Variants in RIF1 observed in about 807,000 individuals in gnomAD.
The protein encoded by RIF1 is replication timing regulatory factor 1, also known as telomere-associated protein RIF1.
In RIF1, 45 loss-of-function variants were observed where a neutral mutation model predicts 247.1. That is an observed-to-expected ratio of 0.18 (90% CI 0.14 to 0.23). The LOEUF is 0.23. Among genes scored for constraint, RIF1 ranks in the 10% least tolerant of loss-of-function variants. RIF1 has a pLI of 1.00. For synonymous variants in RIF1, 1,087 were observed against 978.8 expected, an observed-to-expected ratio of 1.11 and a Z score of -2.06; for missense variants, 2,967 against 2,862.5, an observed-to-expected ratio of 1.04 and a Z score of -0.83.
chr2:151,467,943 G>A, intron 30 of RIF1, 57 bp from the exon 31 acceptor site: 1 of 1,508,150 alleles, frequency 6.6e-7, no homozygotes, highest in Non-Finnish European at 9.0e-7. Context: ...AAAATTTATG[G>A]TGTAATTTTT....
chr2:151,463,786 A>T lies in RIF1; in HGVS notation c.4266A>T (p.Ser1422=). 2.5e-6 allele frequency: 4 copies of T among 1,613,872 alleles called. No individual in the cohort carries two copies. The highest frequency in any genetic ancestry group is 2.5e-6 in the Non-Finnish European group (3 of 1,179,956). Reference sequence around the variant, plus strand: ...TTAGACGGTCTTCAAGGCGACGTTCAGAAGTAGTAGAGTCTACCACTGAAA... The same window carrying T: ...TTAGACGGTCTTCAAGGCGACGTTCTGAAGTAGTAGAGTCTACCACTGAAA... The part of the protein sequence containing the change: ...KTLRRSSRRR[S]EVVESTTESQ... The change falls in exon 30 of 36, where the codon TCA becomes TCT. Residue 1422 remains serine (S), a synonymous_variant. Coordinates refer to ENST00000444746, the MANE Select transcript of RIF1 (RefSeq NM_018151.5).
At chr2:151,471,854 C>T (rs549020081) in intron 34 of RIF1, among the ~76,000 whole-genome samples, 1 of 152,232 alleles carries the variant, frequency 6.6e-6, no homozygotes, top group Admixed American at 6.5e-5. Context: ...GCAATGCGGG[C>T]TCTTTTTTCG....
chr2:151,436,720 AT>A, intron 11 of RIF1, 106 bp from the exon 12 acceptor site: 1 of 840,002 alleles, frequency 1.2e-6, no homozygotes, highest in Non-Finnish European at 1.8e-6. Context: ...TGCCTGAGAC[AT>A]TTAAACTCTG....
At chr2:151,435,694 C>T (rs1468496962) in intron 11 of RIF1, 114 bp downstream of exon 11, 5 of 561,178 alleles carry the variant, frequency 8.9e-6, no homozygotes, top group African/African-American at 1.9e-5. Context: ...CAGTGTTTTT[C>T]GTTTGAAATG....
chr2:151,443,435 T>G (rs1239830374), intron 17 of RIF1, 94 bp from the exon 18 acceptor site: 5 of 1,377,796 alleles, frequency 3.6e-6, no homozygotes, highest in Non-Finnish European at 4.9e-6. Flanking sequence ...AAAAAATTCG[T>G]TAACTTTTTG....
At chr2:151,525,032 A>G in the RIF1 span, 1 of 740,664 alleles carries the variant, frequency 1.4e-6, no homozygotes, top group South Asian at 1.6e-5. Flanking sequence ...ACCCAAACCA[A>G]TTCTCGCCAC....
the RIF1 span, chr2:151,525,910 AG>A: frequency 7.1e-7 from 1 of 1,406,748 alleles, no homozygotes; most frequent in Non-Finnish European, 1.0e-6. Context: ...CAGATTCTAC[AG>A]TCAAGTGGCA....
chr2:151,525,138 A>G, the RIF1 span: 2 of 1,532,378 alleles, frequency 1.3e-6, no homozygotes, highest in South Asian at 2.2e-5. Context: ...ATGGGCCCCC[A>G]AGAGTGTTGA....
the RIF1 span, among the ~76,000 whole-genome samples, chr2:151,523,992 G>A: frequency 6.6e-6 from 1 of 152,074 alleles, no homozygotes; most frequent in African/African-American, 2.4e-5. Context: ...ATCAGACCCC[G>A]AGGATGAAAC....
At chr2:151,491,605 A>AGGGAAG in intron 9 of RIF1, 1 of 1,229,208 alleles carries the variant, frequency 8.1e-7, no homozygotes, top group Non-Finnish European at 1.2e-6. Context: ...AAGGAACTTC[A>AGGGAAG]GAGCCCAAAT....
intron 8 of RIF1, among the ~76,000 whole-genome samples, chr2:151,428,394 A>T (rs549480384): frequency 1.3e-5 from 2 of 152,184 alleles, no homozygotes; most frequent in African/African-American, 4.8e-5. Context: ...TATTATTTTC[A>T]GGGTTCAATG....
In RIF1 at chr2:151,410,351, G is replaced by A; in HGVS notation, c.-10-63G>A. 2.2e-6 allele frequency: 3 copies of A among 1,374,720 alleles called. No individual in the cohort carries two copies. In the East Asian group the frequency reaches 7.1e-5, roughly 33 times the overall value. 85.2% of individuals were successfully genotyped at this position (1,374,720 alleles called of 1,614,324 possible). ...CGGGTGTGAGGGCCGGACTCACACTGGGCCGCCGCGGGGCTGTTTCCATCG... is the reference window on the plus strand; with the variant it reads ...CGGGTGTGAGGGCCGGACTCACACTAGGCCGCCGCGGGGCTGTTTCCATCG... On this transcript the variant is annotated intron_variant, in intron 1 of 35. Transcript: ENST00000444746.
Position 151,478,003 on chromosome 2 carries a change from C to G in RIF1, c.*2932C>G, listed in dbSNP as rs1367260551. The G allele has an allele frequency of 6.6e-6, 1 of 152,238 alleles. No individual in the cohort carries two copies. The highest frequency in any genetic ancestry group is 1.5e-5 in the Non-Finnish European group (1 of 68,050). The allele number at this position is 152,238 out of a possible 1,614,324, so 9.4% of individuals were successfully genotyped here. A position where few individuals can be genotyped will look rare whatever the true frequency, so the allele number is the denominator to read the frequency against. On this transcript the variant is annotated 3_prime_UTR_variant, in exon 36 of 36. Transcript: ENST00000444746. ...GCATTACAGGCGTGAGCCACCGCTC[C>G]TGGCCCATCATTTCCATATCTATGA...
chr2:151,508,930 AT>A (rs1354830901), downstream of RIF1, among the ~76,000 whole-genome samples: 1 of 152,074 alleles, frequency 6.6e-6, no homozygotes, highest in Non-Finnish European at 1.5e-5. Flanking sequence ...TTAGAGCCTT[AT>A]TTTTCTTTCA....
downstream of RIF1, among the ~76,000 whole-genome samples, chr2:151,511,706 C>G (rs919449617): frequency 6.6e-6 from 1 of 152,172 alleles, no homozygotes; most frequent in Admixed American, 6.5e-5. Flanking sequence ...GAAGGCCTAT[C>G]CCAGGGTGTG....
chr2:151,528,920 C>A, the RIF1 span, among the ~76,000 whole-genome samples: 1 of 152,190 alleles, frequency 6.6e-6, no homozygotes, highest in African/African-American at 2.4e-5. Flanking sequence ...AAAAATGCAA[C>A]CTACATTTCA....
downstream of RIF1, chr2:151,512,725 G>A: frequency 6.2e-7 from 1 of 1,601,192 alleles, no homozygotes; most frequent in Admixed American, 1.7e-5. Context: ...CATGACGAAT[G>A]TCCTTACCTG....
intron 16 of RIF1, among the ~76,000 whole-genome samples, chr2:151,442,623 T>C (rs1490720614): frequency 1.3e-5 from 2 of 152,124 alleles, no homozygotes; most frequent in African/African-American, 4.8e-5. Flanking sequence ...TGGAAGCTAA[T>C]GTAAAATGCA....
chr2:151,516,978 T>C, the RIF1 span, among the ~76,000 whole-genome samples: 1 of 152,222 alleles, frequency 6.6e-6, no homozygotes, highest in Admixed American at 6.5e-5. Flanking sequence ...TAGTTTTTCT[T>C]TCACAAGAAC....
Sources: gnomAD v4.1 joint callset for allele counts (sites outside exome capture counted in the v4.1 genomes callset) on GRCh38, gnomAD v4.1.1 for gene constraint, MANE v1.5 for transcripts, NCBI Gene and HGNC (gene_info 2026-07-23, HGNC 2026-07-21) for gene names.